SH3KBP1: variants seen among roughly 807,000 people sequenced by gnomAD.
SH3KBP1 encodes the protein SH3 domain-containing kinase-binding protein 1.
A neutral mutation model predicts 50.1 loss-of-function variants in SH3KBP1; 8 were observed. That is an observed-to-expected ratio of 0.16 (90% CI 0.09 to 0.29). SH3KBP1 has a LOEUF of 0.29. Ranked by LOEUF, SH3KBP1 falls within the 10% of genes least tolerant of loss-of-function variation. The pLI, the probability that SH3KBP1 is intolerant of heterozygous loss-of-function variation, is 1.00. For missense variants in SH3KBP1, 377 were observed against 535.2 expected (o/e 0.70, Z 2.92); for synonymous variants, 227 against 218.6 (o/e 1.04, Z -0.34).
intron 1 of SH3KBP1, among the ~76,000 whole-genome samples, chrX:19,861,972 C>T (rs769263095): frequency 5.3e-5 from 6 of 112,218 alleles, no homozygotes; most frequent in African/African-American, 1.9e-4. Flanking sequence ...GTTGCCCTGA[C>T]CTTTGCTCTT....
intron 1 of SH3KBP1, among the ~76,000 whole-genome samples, chrX:19,846,325 C>T (rs750153622): frequency 3.6e-5 from 4 of 112,519 alleles, no homozygotes; most frequent in South Asian, 7.3e-4. Context: ...GCTGGGATTA[C>T]GGGCATGAGC....
At chrX:19,566,581 T>G (rs1444997513) in intron 13 of SH3KBP1, among the ~76,000 whole-genome samples, 1 of 111,173 alleles carries the variant, frequency 9.0e-6, no homozygotes, top group Non-Finnish European at 1.9e-5. Context: ...AGGGCCCAAA[T>G]ACGAAACTGC....
chrX:19,819,210 C>T (rs914642376), intron 2 of SH3KBP1, among the ~76,000 whole-genome samples: 6 of 112,024 alleles, frequency 5.4e-5, no homozygotes, highest in African/African-American at 1.3e-4. Flanking sequence ...ATTTAGTATT[C>T]GCTTATTGTC....
chrX:19,605,843 C>G (rs1170751061), intron 9 of SH3KBP1, among the ~76,000 whole-genome samples: 1 of 112,131 alleles, frequency 8.9e-6, no homozygotes, highest in Non-Finnish European at 1.9e-5. Context: ...TGACAAATAA[C>G]ATAAAGATTA....
chrX:19,619,011 C>A (rs905170333), intron 8 of SH3KBP1, among the ~76,000 whole-genome samples: 2 of 108,182 alleles, frequency 1.8e-5, no homozygotes, highest in African/African-American at 6.8e-5. Flanking sequence ...AGCGGTGACT[C>A]ACGCCTGTAA....
intron 2 of SH3KBP1, among the ~76,000 whole-genome samples, chrX:19,790,460 A>G (rs2066497130): frequency 8.9e-6 from 1 of 111,893 alleles, no homozygotes; most frequent in Admixed American, 9.5e-5. Context: ...CCATGAAATC[A>G]GAAGAATTCT....
intron 4 of SH3KBP1, among the ~76,000 whole-genome samples, chrX:19,702,069 T>C (rs1357428518): frequency 8.9e-6 from 1 of 112,438 alleles, no homozygotes; most frequent in Non-Finnish European, 1.9e-5. Context: ...GAAATAATTG[T>C]AGAACAGCCC....
At chrX:19,683,432 C>G (rs1171156059) in intron 6 of SH3KBP1, 1 of 345,225 alleles carries the variant, frequency 2.9e-6, no homozygotes, top group East Asian at 8.4e-5. Context: ...TCAGCACACC[C>G]AAGCACAAAG....
intron 8 of SH3KBP1, among the ~76,000 whole-genome samples, chrX:19,627,574 C>T (rs2068060265): frequency 8.9e-6 from 1 of 112,420 alleles, no homozygotes; most frequent in Admixed American, 9.4e-5. Flanking sequence ...TATAAATAAA[C>T]TAGAAAACAA....
chrX:19,852,067 G>A (rs1404009872), intron 1 of SH3KBP1, among the ~76,000 whole-genome samples: 1 of 111,589 alleles, frequency 9.0e-6, no homozygotes, highest in Non-Finnish European at 1.9e-5. Flanking sequence ...CAACAGAGTG[G>A]AGGAAAGTGA....
At chrX:19,694,462 C>T (rs955187829) in intron 5 of SH3KBP1, among the ~76,000 whole-genome samples, 1 of 110,776 alleles carries the variant, frequency 9.0e-6, no homozygotes, top group Admixed American at 9.6e-5. Context: ...CAAGACACCT[C>T]GTTTCCCCCC....
At chrX:19,866,874 A>T (rs755260473) in intron 1 of SH3KBP1, among the ~76,000 whole-genome samples, 37 of 109,397 alleles carry the variant, frequency 3.4e-4, no homozygotes, top group Non-Finnish European at 1.3e-4. Context: ...TGAGAGAAAT[A>T]CTATCCAAAC....
chrX:19,772,260 T>C (rs1428296273), intron 2 of SH3KBP1, among the ~76,000 whole-genome samples: 1 of 111,079 alleles, frequency 9.0e-6, no homozygotes, highest in Non-Finnish European at 1.9e-5. Flanking sequence ...AATAAGAGAG[T>C]CTGTTCATCT....
In SH3KBP1 at chrX:19,819,601, C is replaced by T. The variant is rs777631659; in HGVS notation, c.162+16524G>A. Among the ~76,000 whole-genome samples the T allele has an allele frequency of 6.7e-4, 75 of 111,374 alleles. 1 individual carries two copies. Among genetic ancestry groups the T allele is most frequent in the African/African-American group, 2.3e-3 (72 of 30,646 alleles). On this transcript the variant is annotated intron_variant, in intron 2 of 17. Coordinates refer to ENST00000397821, the MANE Select transcript of SH3KBP1 (RefSeq NM_031892.3). ...CTGGGCTCAAGTGATCCTCCCACTC[C>T]CGCTTCCCAAAATGCTGGGATTTCA... is the stretch of plus-strand genomic sequence containing the variant.
intron 14 of SH3KBP1, 59 bp from the exon 15 acceptor site, chrX:19,546,109 C>T (rs1378809987): frequency 6.1e-6 from 7 of 1,156,365 alleles, no homozygotes; most frequent in African/African-American, 3.6e-5. Context: ...ACACCACTTT[C>T]GTTAATATAA....
chrX:19,668,935 A>AATATATATATATATATATATATATAT (rs56844238), intron 6 of SH3KBP1, among the ~76,000 whole-genome samples: 1 of 32,859 alleles, frequency 3.0e-5, no homozygotes, highest in Non-Finnish European at 6.2e-5. Context: ...GATTGAGGGT[A>AATATATATATATATATATATATATAT]ATATATATAT....
chrX:19,619,147 G>T (rs1312447599), intron 8 of SH3KBP1, among the ~76,000 whole-genome samples: 1 of 110,865 alleles, frequency 9.0e-6, no homozygotes, highest in African/African-American at 3.3e-5. Context: ...GTGGTAGCGG[G>T]CACCTGTAAT....
At chrX:19,668,115 T>C (rs1221318594) in intron 6 of SH3KBP1, among the ~76,000 whole-genome samples, 1 of 111,500 alleles carries the variant, frequency 9.0e-6, no homozygotes, top group Non-Finnish European at 1.9e-5. Context: ...AGGGGTCCCA[T>C]AGTACATTAA....
chrX:19,835,496 T>TTCAA (rs1161363063), intron 2 of SH3KBP1, among the ~76,000 whole-genome samples: 2 of 111,529 alleles, frequency 1.8e-5, no homozygotes, highest in East Asian at 5.5e-4. Context: ...TTTACCTCCA[T>TTCAA]TTTGCAAGGA....
Sources: allele counts gnomAD v4.1 joint callset (sites outside exome capture counted in the v4.1 genomes callset), GRCh38; gene constraint gnomAD v4.1.1; transcripts MANE v1.5; gene names NCBI Gene and HGNC (gene_info 2026-07-23, HGNC 2026-07-21).